The following PLEKHA7 variants were observed in gnomAD, a reference collection of about 807,000 sequenced individuals.
PLEKHA7 encodes pleckstrin homology domain containing A7.
Under a neutral mutation model 170.0 loss-of-function variants are expected in PLEKHA7, and 104 were observed. That is an observed-to-expected ratio of 0.61 (90% confidence interval 0.52 to 0.72). PLEKHA7 has a LOEUF of 0.72. Ranked by LOEUF, PLEKHA7 falls within the 30% of genes least tolerant of loss-of-function variation. The pLI is 0.00. For synonymous variants in PLEKHA7, 648 were observed against 660.8 expected, an observed-to-expected ratio of 0.98 and a Z score of 0.30; for missense variants, 1,615 against 1,671.7, an observed-to-expected ratio of 0.97 and a Z score of 0.59.
intron 3 of PLEKHA7, among the ~76,000 whole-genome samples, chr11:16,929,923 G>T (rs1269432706): frequency 6.6e-6 from 1 of 152,126 alleles, no homozygotes; most frequent in African/African-American, 2.4e-5. Context: ...AGAATCACTC[G>T]AACCCGGGAG....
intron 3 of PLEKHA7, among the ~76,000 whole-genome samples, chr11:16,952,964 T>C (rs765056011): frequency 1.3e-5 from 2 of 152,276 alleles, no homozygotes; most frequent in Non-Finnish European, 2.9e-5. Flanking sequence ...CATCTACATA[T>C]ATTTGAAAAT....
Position 16,826,358 on chromosome 11 carries a change from C to A in PLEKHA7, c.1105G>T (p.Glu369Ter), listed in dbSNP as rs372267404. 1 of 1,614,254 alleles carries A rather than the reference C, an allele frequency of 6.2e-7. No homozygotes were observed. Among genetic ancestry groups the A allele is most frequent in the Non-Finnish European group, 8.5e-7 (1 of 1,180,040 alleles). The stretch of plus-strand genomic sequence containing the variant: ...AAATCCATAAACAAGGCATCCTCCT[C>A]GGCTGGCGAGTACGGAGACCTGGCC... ...SKARSPYSPA[E>*]EDALFMDLPT... Residue 369 changes from glutamate to a stop codon, truncating the protein, a stop_gained, in exon 10 of 27, where the codon GAG becomes TAG. Coordinates refer to ENST00000531066, the MANE Select transcript of PLEKHA7 (RefSeq NM_001329630.2). LOFTEE classifies it high-confidence loss of function.
chr11:16,984,538 C>T (rs1863616640), intron 3 of PLEKHA7, among the ~76,000 whole-genome samples: 1 of 152,100 alleles, frequency 6.6e-6, no homozygotes, highest in African/African-American at 2.4e-5. Context: ...GCATGTCCTG[C>T]CCCTACATGG....
chr11:16,967,634 A>T (rs1212556587), intron 3 of PLEKHA7, among the ~76,000 whole-genome samples: 1 of 152,100 alleles, frequency 6.6e-6, no homozygotes, highest in Non-Finnish European at 1.5e-5. Flanking sequence ...CCAGGAGAGA[A>T]CAGCCCCTAC....
At chr11:16,924,027 G>A (rs907784462) in intron 3 of PLEKHA7, among the ~76,000 whole-genome samples, 7 of 151,510 alleles carry the variant, frequency 4.6e-5, no homozygotes, top group South Asian at 2.1e-4. Flanking sequence ...ACCAACCCCC[G>A]TCCCTCCCAC....
chr11:16,867,605 G>A (rs1175628690), intron 4 of PLEKHA7, among the ~76,000 whole-genome samples: 1 of 152,172 alleles, frequency 6.6e-6, no homozygotes, highest in Non-Finnish European at 1.5e-5. Flanking sequence ...TTTCTGTGAG[G>A]AGACATCATG....
chr11:16,990,656 A>G (rs889207995), intron 3 of PLEKHA7, among the ~76,000 whole-genome samples: 4 of 152,252 alleles, frequency 2.6e-5, no homozygotes, highest in Admixed American at 6.5e-5. Flanking sequence ...GGGGATTTTA[A>G]AAGTTCCCTG....
In PLEKHA7 at chr11:16,998,848, A is replaced by T. The variant is rs903009336; in HGVS notation, c.221+15141T>A. On this transcript the variant is annotated intron_variant, in intron 3 of 26. Coordinates refer to ENST00000531066, the MANE Select transcript of PLEKHA7 (RefSeq NM_001329630.2). ...CCCCAGGTCAAAATGTGTTGAAAAAAAAAAATCTTGCCAAACACTTTCTTT... is the reference window on the plus strand; with the variant it reads ...CCCCAGGTCAAAATGTGTTGAAAAATAAAAATCTTGCCAAACACTTTCTTT... Among the ~76,000 whole-genome samples the T allele has an allele frequency of 1.1e-3, 168 of 152,114 alleles. 1 individual carries two copies. The highest frequency in any genetic ancestry group is 3.9e-3 in the African/African-American group (162 of 41,486).
rs1348207330 is a variant in PLEKHA7, at chr11:16,817,028, T to A, written c.1638A>T (p.Pro546=). ...SPTAPICLGS[P]EFTDQGRSRS... ...TGCTCCGGCCCTGGTCGGTGAACTC[T>A]GGGGAGCCAAGGCAGATGGGCGCTG... The change falls in exon 11 of 27, where the codon CCA becomes CCT. Residue 546 remains proline (P), a synonymous_variant. Coordinates refer to ENST00000531066, the MANE Select transcript of PLEKHA7 (RefSeq NM_001329630.2). This position sits in a 1 kb window ranked among gnomAD's most constrained non-coding sequence, Gnocchi z 4.4. 6.2e-7 allele frequency: 1 copy of A among 1,605,274 alleles called. No individual in the cohort carries two copies. The highest frequency in any genetic ancestry group is 8.5e-7 in the Non-Finnish European group (1 of 1,174,800).
Position 16,910,888 on chromosome 11 carries a change from C to T in PLEKHA7, c.222-39706G>A, listed in dbSNP as rs140629446. 1.1e-3 allele frequency among the ~76,000 whole-genome samples: 161 copies of T among 152,358 alleles called. 1 individual carries two copies. In the Middle Eastern group the frequency reaches 0.027, roughly 26 times the overall value. On this transcript the variant is annotated intron_variant, in intron 3 of 26. Transcript: ENST00000531066. ...AACATTCTGGACTTGGCTTTGAGTT[C>T]TTCCAGGCTTGGCTCCAGCTGTAAT...
At chr11:16,921,928 T>C (rs1219592010) in intron 3 of PLEKHA7, among the ~76,000 whole-genome samples, 1 of 152,244 alleles carries the variant, frequency 6.6e-6, no homozygotes, top group Non-Finnish European at 1.5e-5. Flanking sequence ...CAGTTGCTCT[T>C]AGGACTAATA....
rs185262371 is a variant in PLEKHA7, at chr11:16,988,812, G to A, written c.221+25177C>T. Among the ~76,000 whole-genome samples the A allele has an allele frequency of 1.6e-4, 25 of 152,288 alleles. No individual in the cohort carries two copies. In the South Asian group the frequency reaches 4.8e-3, roughly 29 times the overall value. ...CATCCCAAATATTTCAGAAGGTATC[G>A]TTGTAAACCTGGGGCCAAAACCTTT... On this transcript the variant is annotated intron_variant, in intron 3 of 26. Coordinates refer to ENST00000531066, the MANE Select transcript of PLEKHA7 (RefSeq NM_001329630.2).
chr11:16,992,076 C>T (rs989142217), intron 3 of PLEKHA7, among the ~76,000 whole-genome samples: 1 of 69,824 alleles, frequency 1.4e-5, no homozygotes, highest in African/African-American at 4.2e-5. Context: ...GGTCCAGGGA[C>T]CCCCCCCAGC....
chr11:16,860,325 A>AT (rs1309075295), intron 4 of PLEKHA7, among the ~76,000 whole-genome samples: 15 of 151,960 alleles, frequency 9.9e-5, no homozygotes, highest in African/African-American at 4.8e-5. Flanking sequence ...TACAGAAGCT[A>AT]TTTTTTTTCT....
At chr11:16,935,109 G>A (rs1860197186) in intron 3 of PLEKHA7, among the ~76,000 whole-genome samples, 1 of 152,198 alleles carries the variant, frequency 6.6e-6, no homozygotes, top group South Asian at 2.1e-4. Flanking sequence ...GGGGAAATTG[G>A]GAAAAAGAAC....
At chr11:16,782,163 ACACACACACC>A (rs1369804018) in intron 26 of PLEKHA7, among the ~76,000 whole-genome samples, 1 of 151,874 alleles carries the variant, frequency 6.6e-6, no homozygotes, top group South Asian at 2.1e-4. Flanking sequence ...ACACACGGAC[ACACACACACC>A]CACACACACA....
chr11:16,813,024 T>C, intron 13 of PLEKHA7, 89 bp downstream of exon 13: 2 of 1,106,304 alleles, frequency 1.8e-6, no homozygotes, highest in Non-Finnish European at 2.8e-6. Flanking sequence ...AAGACCTGTC[T>C]GGCCTTTGGC....
At chr11:16,969,450 G>T (rs528505327) in intron 3 of PLEKHA7, among the ~76,000 whole-genome samples, 3 of 152,274 alleles carry the variant, frequency 2.0e-5, no homozygotes, top group South Asian at 4.1e-4. Flanking sequence ...ATTGATTCAA[G>T]TATGATATTG....
chr11:16,990,287 A>AAAAAAAAAAAAACCC (rs1554992440), intron 3 of PLEKHA7, among the ~76,000 whole-genome samples: 2 of 111,280 alleles, frequency 1.8e-5, no homozygotes, highest in African/African-American at 3.6e-5. Flanking sequence ...AAAAAAAAAA[A>AAAAAAAAAAAAACCC]AAAAAAAAAA....
Sources: gnomAD v4.1 joint callset for allele counts (sites outside exome capture counted in the v4.1 genomes callset) on GRCh38, gnomAD v4.1.1 for gene constraint, Gnocchi (gnomAD v3.1) non-coding constraint, MANE v1.5 for transcripts, NCBI Gene and HGNC (gene_info 2026-07-23, HGNC 2026-07-21) for gene names.